Variants in DZANK1 observed in about 807,000 individuals in gnomAD.
DZANK1 encodes the protein double zinc ribbon and ankyrin repeat-containing protein 1.
DZANK1 carries 91 observed loss-of-function variants against 94.5 expected under a neutral mutation model. The ratio of observed to expected loss-of-function variants is 0.96; its 90% CI spans 0.81 to 1.15. The LOEUF is 1.15. DZANK1 is among the 50% of genes most tolerant of loss of function. The pLI, the probability that DZANK1 is intolerant of heterozygous loss-of-function variation, is 0.00. For missense variants in DZANK1, 903 were observed against 916.4 expected, an observed-to-expected ratio of 0.99 and a Z score of 0.19; for synonymous variants, 312 against 325.3, an observed-to-expected ratio of 0.96 and a Z score of 0.44.
At chr20:18,434,245 C>A (rs934776804) in intron 8 of DZANK1, among the ~76,000 whole-genome samples, 2 of 151,782 alleles carry the variant, frequency 1.3e-5, no homozygotes, top group Non-Finnish European at 2.9e-5. Flanking sequence ...AAATCCTCTT[C>A]CCCAAAAATG....
chr20:18,388,700 G>A lies in DZANK1; in HGVS notation c.2018+1001C>T, dbSNP rs959360263. Reference sequence around the variant, plus strand: ...CTTGAGAAAATAAATTCCAAGCATCGAAGCTTTACACCAACACACCAAACA... The same window carrying A: ...CTTGAGAAAATAAATTCCAAGCATCAAAGCTTTACACCAACACACCAAACA... On this transcript the variant is annotated intron_variant, in intron 19 of 20. Coordinates refer to ENST00000262547, the Ensembl canonical transcript of DZANK1. Among the ~76,000 whole-genome samples the A allele has an allele frequency of 4.6e-5, 7 of 152,204 alleles. No individual in the cohort carries two copies. In the East Asian group the frequency reaches 1.2e-3, roughly 25 times the overall value.
intron 10 of DZANK1, among the ~76,000 whole-genome samples, chr20:18,417,214 T>G (rs1362553428): frequency 6.6e-6 from 1 of 152,200 alleles, no homozygotes; most frequent in Non-Finnish European, 1.5e-5. Context: ...AATACAATTT[T>G]TAGAACAAAT....
At chr20:18,439,895 C>G (rs899233317) in intron 8 of DZANK1, among the ~76,000 whole-genome samples, 7 of 152,084 alleles carry the variant, frequency 4.6e-5, no homozygotes, top group Non-Finnish European at 1.0e-4. Flanking sequence ...ACTGTGCCCC[C>G]CAGAATTCAT....
chr20:18,444,259 G>C lies in DZANK1; in HGVS notation c.630-795C>G, dbSNP rs982908879. ...TTATCCTATTTAGTCCTTCATTACT[G>C]TACCATGGCACCAAGGTTTCACCAT... On this transcript the variant is annotated intron_variant, in intron 7 of 20. Coordinates refer to ENST00000262547, the Ensembl canonical transcript of DZANK1. 2.6e-5 allele frequency among the ~76,000 whole-genome samples: 4 copies of C among 152,168 alleles called. No homozygotes were observed. In the East Asian group the frequency reaches 7.7e-4, roughly 29 times the overall value.
Position 18,385,013 on chromosome 20 carries a change from TA to T in DZANK1, c.2093+2del, listed in dbSNP as rs1193276337. The stretch of plus-strand genomic sequence containing the variant: ...AGTATCCATCAGAGGCCAGGGGACA[TA>T]CCCCAGTAAAGTGGCGGTGCTCTCT... On this transcript the variant is annotated splice_donor_variant, in intron 20 of 20. Coordinates refer to ENST00000262547, the Ensembl canonical transcript of DZANK1. LOFTEE classifies it high-confidence loss of function. The T allele has an allele frequency of 6.4e-7, 1 of 1,552,318 alleles. No homozygotes were observed.
chr20:18,398,472 T>A (rs1568890787), intron 14 of DZANK1, 51 bp downstream of exon 14: 1 of 1,566,286 alleles, frequency 6.4e-7, no homozygotes, highest in African/African-American at 1.4e-5. Flanking sequence ...GGAGGGTTCC[T>A]TCAGCCTGAT....
chr20:18,433,473 C>CG (rs1207286308), intron 9 of DZANK1, 179 bp downstream of exon 9: 1 of 562,224 alleles, frequency 1.8e-6, no homozygotes, highest in Non-Finnish European at 3.1e-6. Flanking sequence ...ACTGAGGAGG[C>CG]GGAGGTTGCA....
At chr20:18,395,215 G>A (rs2056268701) in intron 15 of DZANK1, among the ~76,000 whole-genome samples, 1 of 152,150 alleles carries the variant, frequency 6.6e-6, no homozygotes, top group African/African-American at 2.4e-5. Context: ...ACAAAACTTA[G>A]CTGGGTGTGG....
chr20:18,414,044 C>G (rs933104350), intron 12 of DZANK1, among the ~76,000 whole-genome samples: 4 of 152,148 alleles, frequency 2.6e-5, no homozygotes, highest in Admixed American at 2.6e-4. Context: ...CTTATATACC[C>G]TAAGCTTTCT....
intron 2 of DZANK1, among the ~76,000 whole-genome samples, chr20:18,463,781 T>G (rs1339761791): frequency 6.6e-6 from 1 of 152,176 alleles, no homozygotes; most frequent in African/African-American, 2.4e-5. Flanking sequence ...TACATATGCT[T>G]AGTTAGAACT....
chr20:18,466,672 A>G (rs1165402395), intron 1 of DZANK1, among the ~76,000 whole-genome samples: 2 of 152,226 alleles, frequency 1.3e-5, no homozygotes, highest in African/African-American at 2.4e-5. Flanking sequence ...GCCCTTAGGA[A>G]GCTGGGGTGG....
chr20:18,454,457 C>T (rs62207864), intron 4 of DZANK1: 1 of 173,732 alleles, frequency 5.8e-6, no homozygotes, highest in Admixed American at 5.4e-5. Context: ...CAACAACATC[C>T]CTGTGACCAA....
At chr20:18,395,809 C>A (rs562550320) in intron 15 of DZANK1, among the ~76,000 whole-genome samples, 1 of 152,286 alleles carries the variant, frequency 6.6e-6, no homozygotes, top group South Asian at 2.1e-4. Flanking sequence ...TTAAAAAGAG[C>A]AGTTAGTGCT....
intron 13 of DZANK1, among the ~76,000 whole-genome samples, chr20:18,403,841 C>T (rs1160112694): frequency 6.8e-6 from 1 of 146,582 alleles, no homozygotes; most frequent in Non-Finnish European, 1.5e-5. Flanking sequence ...ACTCTGTTGC[C>T]CAGGTAGGAG....
chr20:18,414,649 G>A, intron 11 of DZANK1, 137 bp from the exon 12 acceptor site: 2 of 1,056,974 alleles, frequency 1.9e-6, no homozygotes, highest in Non-Finnish European at 2.7e-6. Flanking sequence ...TCCTACAGAT[G>A]GACAAGTACA....
At chr20:18,460,861 GCTTTA>G (rs1435064177) in intron 2 of DZANK1, among the ~76,000 whole-genome samples, 1 of 152,176 alleles carries the variant, frequency 6.6e-6, no homozygotes, top group African/African-American at 2.4e-5. Flanking sequence ...CCAGCATTGT[GCTTTA>G]CTTGAATGAG....
chr20:18,434,204 A>C (rs2058415412), intron 8 of DZANK1, among the ~76,000 whole-genome samples: 1 of 152,114 alleles, frequency 6.6e-6, no homozygotes, highest in Admixed American at 6.5e-5. Context: ...ATCCATAGGA[A>C]ATTGTAGCAT....
intron 15 of DZANK1, chr20:18,394,900 G>A (rs933357227): frequency 2.8e-5 from 13 of 456,470 alleles, no homozygotes; most frequent in African/African-American, 8.0e-5. Flanking sequence ...ATGGCATGTC[G>A]TGAAAGCAAA....
At chr20:18,416,643 C>A (rs1415759366) in intron 10 of DZANK1, among the ~76,000 whole-genome samples, 1 of 152,168 alleles carries the variant, frequency 6.6e-6, no homozygotes, top group African/African-American at 2.4e-5. Context: ...CCAGCTCTAT[C>A]CCGTTTTGCT....
Sources: allele counts gnomAD v4.1 joint callset (sites outside exome capture counted in the v4.1 genomes callset), GRCh38; gene constraint gnomAD v4.1.1; transcripts MANE v1.5; gene names NCBI Gene and HGNC (gene_info 2026-07-23, HGNC 2026-07-21).